The following SORCS1 variants were observed in gnomAD, a reference collection of about 807,000 sequenced individuals.
SORCS1 encodes the protein VPS10 domain-containing receptor SorCS1.
In SORCS1, 60 loss-of-function variants were observed where a neutral mutation model predicts 146.1. That is an observed-to-expected ratio of 0.41 (90% CI 0.33 to 0.51). The LOEUF is 0.51. Ranked by LOEUF, SORCS1 falls within the 20% of genes least tolerant of loss-of-function variation. SORCS1 has a pLI of 0.21. For missense variants in SORCS1, 1,352 were observed against 1,487.6 expected (o/e 0.91, Z 1.50); for synonymous variants, 637 against 584.0 (o/e 1.09, Z -1.31).
At chr10:107,088,242 C>G (rs1166909318) in intron 1 of SORCS1, among the ~76,000 whole-genome samples, 1 of 152,112 alleles carries the variant, frequency 6.6e-6, no homozygotes, top group Non-Finnish European at 1.5e-5. Context: ...CACCCTTTCC[C>G]CTGAATACTC....
At chr10:107,011,805 G>A (rs1957707306) in intron 1 of SORCS1, among the ~76,000 whole-genome samples, 1 of 152,124 alleles carries the variant, frequency 6.6e-6, no homozygotes, top group South Asian at 2.1e-4. Flanking sequence ...TTTACTGTAT[G>A]CCATGGAGAT....
chr10:106,911,133 A>G (rs776342436), intron 2 of SORCS1, among the ~76,000 whole-genome samples: 1 of 152,252 alleles, frequency 6.6e-6, no homozygotes, highest in African/African-American at 2.4e-5. Flanking sequence ...AAGTCAAAGT[A>G]TTCTGTAAAC....
At chr10:106,880,422 G>A (rs186677484) in intron 2 of SORCS1, among the ~76,000 whole-genome samples, 97 of 152,294 alleles carry the variant, frequency 6.4e-4, no homozygotes, top group Non-Finnish European at 1.2e-3. Context: ...TCCTAAATAT[G>A]TCACTGAAGG....
chr10:106,600,600 C>T (rs1846179773), intron 23 of SORCS1: 2 of 985,032 alleles, frequency 2.0e-6, no homozygotes, highest in Non-Finnish European at 2.4e-6. Context: ...TACATATATT[C>T]TAAAGGACAT....
chr10:106,850,117 G>T (rs1222564105), intron 2 of SORCS1, among the ~76,000 whole-genome samples: 4 of 151,834 alleles, frequency 2.6e-5, no homozygotes, highest in Non-Finnish European at 5.9e-5. Context: ...GCTCCACCCA[G>T]TTCGAGCTTC....
chr10:107,054,498 AGCTGGACACGTTT>A (rs1276648978), intron 1 of SORCS1, among the ~76,000 whole-genome samples: 1 of 152,202 alleles, frequency 6.6e-6, no homozygotes, highest in Non-Finnish European at 1.5e-5. Context: ...GACAGAAAAG[AGCTGGACACGTTT>A]GGTGGACAGA....
At position 106,672,972 on chromosome 10, in the gene SORCS1, A is replaced by C; in HGVS notation, c.1954T>G (p.Phe652Val). ...ETLIMTVFGH[F>V]SHRSEWQLVK... ...AGCTGCCATTCAGAGCGGTGGCTGA[A>C]GTGTCCAAACACTCTACAGAGTTCA... Residue 652 changes from phenylalanine (F) to valine (V), a missense_variant, in exon 15 of 26, where the codon TTC becomes GTC. Around this residue, in one of 3 missense-constraint regions of SORCS1, gnomAD observed 648 missense variants for 793.8 expected, o/e 0.82. Coordinates refer to ENST00000263054, the MANE Select transcript of SORCS1 (RefSeq NM_052918.5). 6.2e-7 allele frequency: 1 copy of C among 1,613,890 alleles called. No homozygotes were observed. The highest frequency in any genetic ancestry group is 2.2e-5 in the East Asian group (1 of 44,852).
intron 1 of SORCS1, among the ~76,000 whole-genome samples, chr10:106,962,036 G>C (rs985297004): frequency 6.6e-6 from 1 of 152,112 alleles, no homozygotes; most frequent in Non-Finnish European, 1.5e-5. Context: ...CAGGAGGTTG[G>C]GGGGGTGTCA....
At chr10:106,844,537 G>C (rs1485689481) in intron 2 of SORCS1, among the ~76,000 whole-genome samples, 1 of 149,746 alleles carries the variant, frequency 6.7e-6, no homozygotes. Flanking sequence ...TGAATGTCCA[G>C]TTTCTCCAAC....
chr10:106,607,824 C>T (rs1846712515), intron 22 of SORCS1, among the ~76,000 whole-genome samples: 1 of 152,140 alleles, frequency 6.6e-6, no homozygotes, highest in Admixed American at 6.5e-5. Flanking sequence ...AATAGACCCA[C>T]CACATCCTAA....
chr10:106,822,498 C>G (rs752781068), intron 3 of SORCS1, among the ~76,000 whole-genome samples: 1 of 152,054 alleles, frequency 6.6e-6, no homozygotes, highest in Non-Finnish European at 1.5e-5. Context: ...ATTTGAAACC[C>G]AGGGGATTAC....
intron 6 of SORCS1, among the ~76,000 whole-genome samples, chr10:106,709,644 T>C (rs913030109): frequency 6.6e-6 from 1 of 151,916 alleles, no homozygotes; most frequent in Non-Finnish European, 1.5e-5. Context: ...GAGACGGGGT[T>C]TCACCGTGTT....
intron 1 of SORCS1, 56 bp from the exon 2 acceptor site, chr10:106,956,636 C>G: frequency 6.8e-7 from 1 of 1,481,448 alleles, no homozygotes. Flanking sequence ...TCTCTTAGAA[C>G]TGAAATGGCC....
chr10:106,739,938 G>C (rs1311803919), intron 5 of SORCS1, among the ~76,000 whole-genome samples: 1 of 147,134 alleles, frequency 6.8e-6, no homozygotes, highest in East Asian at 2.0e-4. Context: ...GCGACAGAGT[G>C]AGACTCTGTC....
chr10:106,721,281 A>C, intron 6 of SORCS1, among the ~76,000 whole-genome samples: 1 of 152,244 alleles, frequency 6.6e-6, no homozygotes, highest in Middle Eastern at 3.4e-3. Context: ...ATTGACTAAA[A>C]AAAAGATAAA....
At chr10:106,865,920 C>G (rs1251356861) in intron 2 of SORCS1, among the ~76,000 whole-genome samples, 1 of 151,294 alleles carries the variant, frequency 6.6e-6, no homozygotes, top group African/African-American at 2.4e-5. Flanking sequence ...GTAATCCCAG[C>G]TACTCAGGAG....
chr10:106,698,172 T>A (rs1853850137), intron 9 of SORCS1, among the ~76,000 whole-genome samples: 1 of 152,170 alleles, frequency 6.6e-6, no homozygotes, highest in Non-Finnish European at 1.5e-5. Flanking sequence ...ACTAAGAACC[T>A]CTGAACGAGA....
intron 1 of SORCS1, among the ~76,000 whole-genome samples, chr10:107,074,387 A>G (rs1160761082): frequency 6.6e-6 from 1 of 152,196 alleles, no homozygotes; most frequent in African/African-American, 2.4e-5. Context: ...ATTTCTGATT[A>G]GGGCTGAGTA....
chr10:106,967,485 T>A (rs912251021), intron 1 of SORCS1, among the ~76,000 whole-genome samples: 1 of 152,146 alleles, frequency 6.6e-6, no homozygotes, highest in Non-Finnish European at 1.5e-5. Context: ...GGAAAATGCA[T>A]ATTCAAGACA....
Sources: allele counts gnomAD v4.1 joint callset (sites outside exome capture counted in the v4.1 genomes callset), GRCh38; gene constraint gnomAD v4.1.1; regional missense constraint gnomAD v4.1.1; transcripts MANE v1.5; gene names NCBI Gene and HGNC (gene_info 2026-07-23, HGNC 2026-07-21).